LSAMP: variants seen among roughly 807,000 people sequenced by gnomAD.
LSAMP encodes the protein limbic system-associated membrane protein.
Under a neutral mutation model 38.6 loss-of-function variants are expected in LSAMP, and 7 were observed. The observed-to-expected ratio is 0.18, with a 90% CI of 0.10 to 0.34. The LOEUF is 0.34. Ranked by LOEUF, LSAMP falls within the 10% of genes least tolerant of loss-of-function variation. The pLI, the probability that LSAMP is intolerant of heterozygous loss-of-function variation, is 1.00. For synonymous variants in LSAMP, 154 were observed against 166.8 expected, an observed-to-expected ratio of 0.92 and a Z score of 0.59; for missense variants, 313 against 420.0, an observed-to-expected ratio of 0.75 and a Z score of 2.23.
At chr3:115,815,848 T>C (rs1933999950) in intron 6 of LSAMP, among the ~76,000 whole-genome samples, 1 of 152,184 alleles carries the variant, frequency 6.6e-6, no homozygotes, top group African/African-American at 2.4e-5. Context: ...CCCTGTTGCC[T>C]TCAGTGAGGA....
chr3:115,838,040 G>A (rs1284891379), intron 6 of LSAMP: 1 of 152,274 alleles, frequency 6.6e-6, no homozygotes, highest in Non-Finnish European at 1.5e-5. Flanking sequence ...CCTAAGGAGG[G>A]TCGAACTGGC....
intron 3 of LSAMP, among the ~76,000 whole-genome samples, chr3:115,992,773 C>G (rs1939708518): frequency 6.6e-6 from 1 of 152,070 alleles, no homozygotes. Flanking sequence ...ACAATACCAT[C>G]TAGAGATGGA....
intron 3 of LSAMP, among the ~76,000 whole-genome samples, chr3:115,869,742 T>A (rs1935972613): frequency 6.6e-6 from 1 of 152,134 alleles, no homozygotes; most frequent in South Asian, 2.1e-4. Flanking sequence ...ATTTTCTATG[T>A]CTGGTGAATC....
intron 3 of LSAMP, among the ~76,000 whole-genome samples, chr3:115,955,222 C>A (rs1367672754): frequency 2.6e-5 from 4 of 152,154 alleles, no homozygotes; most frequent in African/African-American, 9.7e-5. Flanking sequence ...GCGTGAGCCA[C>A]CGCGCCTGGC....
At chr3:116,312,558 T>C (rs1381647033) in intron 1 of LSAMP, among the ~76,000 whole-genome samples, 2 of 152,120 alleles carry the variant, frequency 1.3e-5, no homozygotes, top group Non-Finnish European at 2.9e-5. Flanking sequence ...TCTTTTGTAT[T>C]TTTTTTCTAT....
intron 3 of LSAMP, among the ~76,000 whole-genome samples, chr3:115,914,551 T>G (rs1937205506): frequency 6.6e-6 from 1 of 152,222 alleles, no homozygotes; most frequent in Admixed American, 6.5e-5. Context: ...CTCTCTTCCC[T>G]ATTGCGATAG....
intron 3 of LSAMP, among the ~76,000 whole-genome samples, chr3:115,970,899 T>C (rs1314581175): frequency 1.3e-5 from 2 of 152,196 alleles, no homozygotes; most frequent in African/African-American, 2.4e-5. Flanking sequence ...ATTATTGATA[T>C]GTGTTAGGGG....
chr3:115,890,439 C>G (rs983469915), intron 3 of LSAMP, among the ~76,000 whole-genome samples: 2 of 151,906 alleles, frequency 1.3e-5, no homozygotes, highest in Admixed American at 6.6e-5. Context: ...ACTAGTAGTT[C>G]AGGTTAAGCC....
At chr3:116,076,382 C>T (rs1174015559) in intron 2 of LSAMP, among the ~76,000 whole-genome samples, 3 of 152,070 alleles carry the variant, frequency 2.0e-5, no homozygotes, top group African/African-American at 4.8e-5. Flanking sequence ...CTCAGCCTCC[C>T]GAGTAGCTGG....
At chr3:116,163,250 A>C (rs1438910804) in intron 1 of LSAMP, among the ~76,000 whole-genome samples, 1 of 105,314 alleles carries the variant, frequency 9.5e-6, no homozygotes, top group African/African-American at 3.8e-5. Flanking sequence ...AACAGTCCCC[A>C]GTGTGTGATG....
intron 1 of LSAMP, among the ~76,000 whole-genome samples, chr3:116,097,528 C>A (rs568316735): frequency 6.6e-6 from 1 of 152,242 alleles, no homozygotes; most frequent in African/African-American, 2.4e-5. Context: ...TATGCCAAGA[C>A]ATGACAATTA....
intron 3 of LSAMP, among the ~76,000 whole-genome samples, chr3:115,947,410 G>C (rs1053954187): frequency 6.6e-6 from 1 of 152,182 alleles, no homozygotes; most frequent in Non-Finnish European, 1.5e-5. Flanking sequence ...ATACTACTGA[G>C]TGAAAGATGT....
At chr3:115,977,740 A>C (rs1432325828) in intron 3 of LSAMP, among the ~76,000 whole-genome samples, 1 of 152,008 alleles carries the variant, frequency 6.6e-6, no homozygotes, top group African/African-American at 2.4e-5. Context: ...AAAAAAAAAA[A>C]AAAAAAAATC....
At chr3:116,109,241 G>A (rs1348766099) in intron 1 of LSAMP, among the ~76,000 whole-genome samples, 5 of 152,178 alleles carry the variant, frequency 3.3e-5, no homozygotes, top group African/African-American at 1.2e-4. Flanking sequence ...GGGCAGGTGG[G>A]GGAGGGCTAG....
At chr3:116,102,751 G>A (rs1366221799) in intron 1 of LSAMP, among the ~76,000 whole-genome samples, 1 of 134,070 alleles carries the variant, frequency 7.5e-6, no homozygotes, top group African/African-American at 4.0e-5. Flanking sequence ...ATAATCATGT[G>A]AGCCATTTTA....
intron 1 of LSAMP, among the ~76,000 whole-genome samples, chr3:116,205,810 T>C (rs1269081419): frequency 3.9e-5 from 4 of 101,380 alleles, no homozygotes; most frequent in Non-Finnish European, 6.0e-5. Flanking sequence ...TTTGCCAGTA[T>C]TTTATTGAGG....
chr3:115,970,282 G>A (rs1559902295), intron 3 of LSAMP, among the ~76,000 whole-genome samples: 1 of 152,174 alleles, frequency 6.6e-6, no homozygotes, highest in Non-Finnish European at 1.5e-5. Context: ...AGAAGAAAAG[G>A]TTGAAAAGTA....
chr3:116,111,070 T>A (rs1006840270), intron 1 of LSAMP, among the ~76,000 whole-genome samples: 19 of 152,006 alleles, frequency 1.2e-4, no homozygotes, highest in African/African-American at 4.3e-4. Context: ...TCAGTTAAGG[T>A]GGGGCAGGAA....
chr3:116,218,457 C>G (rs1304533221), intron 1 of LSAMP, among the ~76,000 whole-genome samples: 1 of 152,158 alleles, frequency 6.6e-6, no homozygotes, highest in East Asian at 1.9e-4. Flanking sequence ...CTCCTCGCCA[C>G]CACTGAATTT....
Sources: gnomAD v4.1 joint callset for allele counts (sites outside exome capture counted in the v4.1 genomes callset) on GRCh38, gnomAD v4.1.1 for gene constraint, MANE v1.5 for transcripts, NCBI Gene and HGNC (gene_info 2026-07-23, HGNC 2026-07-21) for gene names.